ELMO1: variants seen among roughly 807,000 people sequenced by gnomAD.
The protein encoded by ELMO1 is engulfment and cell motility 1.
ELMO1 carries 26 observed loss-of-function variants against 98.9 expected under a neutral mutation model. The observed-to-expected ratio is 0.26, with a 90% CI of 0.19 to 0.36. ELMO1 has a LOEUF of 0.36. Among genes scored for constraint, ELMO1 ranks in the 10% least tolerant of loss-of-function variants. The pLI is 1.00. For synonymous variants in ELMO1, 346 were observed against 346.0 expected (o/e 1.00, Z 0.00); for missense variants, 627 against 935.2 (o/e 0.67, Z 4.30).
At chr7:37,220,576 A>G (rs535284634) in intron 10 of ELMO1, among the ~76,000 whole-genome samples, 1 of 152,320 alleles carries the variant, frequency 6.6e-6, no homozygotes, top group African/African-American at 2.4e-5. Context: ...ACCTAATCTT[A>G]TATCGACATT....
chr7:37,416,609 A>G (rs1804226902), intron 1 of ELMO1, among the ~76,000 whole-genome samples: 1 of 152,350 alleles, frequency 6.6e-6, no homozygotes, highest in East Asian at 1.9e-4. Context: ...ACATTTGCTT[A>G]CAACAGCTCA....
chr7:36,952,695 G>A (rs1788068811), intron 16 of ELMO1, among the ~76,000 whole-genome samples: 1 of 152,108 alleles, frequency 6.6e-6, no homozygotes. Context: ...TTCAAAAAAG[G>A]GGGAAAAAAC....
chr7:37,097,273 C>T (rs2129258326), intron 14 of ELMO1, among the ~76,000 whole-genome samples: 1 of 152,310 alleles, frequency 6.6e-6, no homozygotes, highest in East Asian at 1.9e-4. Context: ...TATGGTGATT[C>T]ACGTCTGTAA....
intron 6 of ELMO1, among the ~76,000 whole-genome samples, chr7:37,254,356 C>T (rs919521106): frequency 2.0e-5 from 3 of 152,184 alleles, no homozygotes; most frequent in Non-Finnish European, 4.4e-5. Flanking sequence ...TGAAACCTGG[C>T]TGTATGTATC....
chr7:37,436,222 T>C (rs1430778513), intron 1 of ELMO1, among the ~76,000 whole-genome samples: 1 of 152,192 alleles, frequency 6.6e-6, no homozygotes, highest in Non-Finnish European at 1.5e-5. Context: ...TAAACATATA[T>C]TTACCATTGG....
At chr7:37,416,394 A>G (rs1206804960) in intron 1 of ELMO1, among the ~76,000 whole-genome samples, 2 of 152,354 alleles carry the variant, frequency 1.3e-5, no homozygotes, top group East Asian at 3.9e-4. Flanking sequence ...TTCTCACTGA[A>G]TAATTAAACT....
intron 5 of ELMO1, 75 bp downstream of exon 5, chr7:37,271,757 A>G (rs1003135756): frequency 6.7e-7 from 1 of 1,499,810 alleles, no homozygotes; most frequent in Non-Finnish European, 9.1e-7. Context: ...CTCAAAAATT[A>G]ATATCCCACA....
At chr7:37,011,130 G>C (rs1793520362) in intron 16 of ELMO1, among the ~76,000 whole-genome samples, 1 of 152,228 alleles carries the variant, frequency 6.6e-6, no homozygotes, top group Admixed American at 6.5e-5. Flanking sequence ...GCTACGGTAA[G>C]AAACTGCACC....
intron 4 of ELMO1, among the ~76,000 whole-genome samples, chr7:37,290,614 G>C (rs28611154): frequency 6.6e-5 from 10 of 152,050 alleles, no homozygotes; most frequent in African/African-American, 2.4e-4. Flanking sequence ...CTAAATATAC[G>C]TATAAAAACT....
chr7:37,345,123 A>G (rs1431632360), intron 1 of ELMO1, among the ~76,000 whole-genome samples: 6 of 152,222 alleles, frequency 3.9e-5, no homozygotes, highest in Non-Finnish European at 8.8e-5. Flanking sequence ...GCCAAAGATG[A>G]TTAGGGAAGC....
At chr7:37,153,476 G>A (rs1335871530) in intron 13 of ELMO1, among the ~76,000 whole-genome samples, 7 of 152,200 alleles carry the variant, frequency 4.6e-5, no homozygotes, top group Non-Finnish European at 1.0e-4. Flanking sequence ...GGCAGACCAG[G>A]AGATTCCCTC....
At chr7:37,095,000 C>T (rs1454078162) in intron 15 of ELMO1, among the ~76,000 whole-genome samples, 1 of 152,170 alleles carries the variant, frequency 6.6e-6, no homozygotes, top group Non-Finnish European at 1.5e-5. Context: ...GAGCAGATAG[C>T]TGGGCACGGC....
intron 13 of ELMO1, among the ~76,000 whole-genome samples, chr7:37,192,832 A>G (rs1791685092): frequency 6.8e-6 from 1 of 146,726 alleles, no homozygotes; most frequent in African/African-American, 2.5e-5. Context: ...GTGTGTATAT[A>G]TGTATATATG....
chr7:37,399,117 C>T (rs983780630), intron 1 of ELMO1, among the ~76,000 whole-genome samples: 1 of 152,118 alleles, frequency 6.6e-6, no homozygotes, highest in African/African-American at 2.4e-5. Context: ...TCCAGAGGTA[C>T]AGGGGTTCCA....
At chr7:36,963,190 C>A (rs1408856058) in intron 16 of ELMO1, among the ~76,000 whole-genome samples, 1 of 151,876 alleles carries the variant, frequency 6.6e-6, no homozygotes, top group East Asian at 1.9e-4. Context: ...CCATCCTGGC[C>A]AACACAGTGA....
At chr7:36,940,171 G>A (rs929627906) in intron 16 of ELMO1, among the ~76,000 whole-genome samples, 6 of 152,210 alleles carry the variant, frequency 3.9e-5, no homozygotes, top group African/African-American at 1.4e-4. Flanking sequence ...TTCCCTGAAG[G>A]GACTTTCTAA....
At chr7:37,362,642 G>T (rs1269638668) in intron 1 of ELMO1, among the ~76,000 whole-genome samples, 1 of 151,800 alleles carries the variant, frequency 6.6e-6, no homozygotes, top group African/African-American at 2.4e-5. Flanking sequence ...ATAGCCAACT[G>T]CCTACTTGAC....
At chr7:36,973,881 G>C (rs185604309) in intron 16 of ELMO1, among the ~76,000 whole-genome samples, 128 of 152,360 alleles carry the variant, frequency 8.4e-4, no homozygotes, top group African/African-American at 2.7e-3. Context: ...CTTAGCACCC[G>C]GGCCAGCGGC....
rs534572814 is a variant in ELMO1, at chr7:36,911,947, C to T, written c.1438-16930G>A. 5.9e-5 allele frequency among the ~76,000 whole-genome samples: 9 copies of T among 152,182 alleles called. No homozygotes were observed. In the South Asian group the frequency reaches 8.3e-4, roughly 14 times the overall value. Reference sequence around the variant, plus strand: ...GCTCCAGGCCCAGCTGAGAATACAGCAGCTCGGCTCATCACCCCAACACCT... The same window carrying T: ...GCTCCAGGCCCAGCTGAGAATACAGTAGCTCGGCTCATCACCCCAACACCT... On this transcript the variant is annotated intron_variant, in intron 16 of 21. Transcript: ENST00000310758.
Sources: gnomAD v4.1 joint callset for allele counts (sites outside exome capture counted in the v4.1 genomes callset) on GRCh38, gnomAD v4.1.1 for gene constraint, MANE v1.5 for transcripts, NCBI Gene and HGNC (gene_info 2026-07-23, HGNC 2026-07-21) for gene names.